PATJ: variants seen among roughly 807,000 people sequenced by gnomAD.
PATJ encodes PATJ crumbs cell polarity complex component.
Under a neutral mutation model 224.9 loss-of-function variants are expected in PATJ, and 190 were observed. The observed-to-expected ratio is 0.84, with a 90% CI of 0.75 to 0.95. The LOEUF (loss-of-function observed/expected upper bound fraction) is 0.95. PATJ is among the 40% of genes least tolerant of loss of function. The pLI is 0.00. For missense variants in PATJ, 2,121 were observed against 2,270.3 expected (o/e 0.93, Z 1.34); for synonymous variants, 769 against 820.3 (o/e 0.94, Z 1.07).
chr1:61,989,343 G>A (rs1408301492), intron 27 of PATJ, among the ~76,000 whole-genome samples: 1 of 152,192 alleles, frequency 6.6e-6, no homozygotes, highest in Non-Finnish European at 1.5e-5. Flanking sequence ...GAACCTCATA[G>A]AGATAAACCA....
chr1:61,827,145 T>C (rs747287669), intron 15 of PATJ, among the ~76,000 whole-genome samples: 24 of 152,084 alleles, frequency 1.6e-4, no homozygotes, highest in Non-Finnish European at 3.2e-4. Context: ...ATTTGGTAGA[T>C]CCCTTACCCA....
In PATJ at chr1:62,114,071, A is replaced by C; in HGVS notation, c.4480A>C (p.Arg1494=). The change falls in exon 35 of 44, where the codon AGG becomes CGG. Residue 1494 remains arginine, a synonymous_variant. Coordinates refer to ENST00000642238, the MANE Select transcript of PATJ (RefSeq NM_001350145.3). ...GTTCCAGGTTAATGGGGTTGACCTG[A>C]GGAACTCCAGCCACGAAGAAGCCAT... ...QILEVNGVDL[R]NSSHEEAITA... is the part of the protein sequence containing the mutation. The C allele has an allele frequency of 3.1e-6, 5 of 1,614,084 alleles. No homozygotes were observed. Among genetic ancestry groups the C allele is most frequent in the Non-Finnish European group, 4.2e-6 (5 of 1,179,948 alleles).
intron 39 of PATJ, among the ~76,000 whole-genome samples, chr1:62,127,661 G>A (rs890608867): frequency 6.6e-6 from 1 of 152,090 alleles, no homozygotes; most frequent in Non-Finnish European, 1.5e-5. Context: ...CAAAAAATTA[G>A]CCAAGTGTGG....
At chr1:62,050,920 A>G (rs1653487193) in intron 30 of PATJ, 46 bp from the exon 31 acceptor site, 1 of 1,378,396 alleles carries the variant, frequency 7.3e-7, no homozygotes, top group Admixed American at 1.7e-5. Flanking sequence ...GAGGGAGTGT[A>G]AGTGAAGAAT....
At chr1:61,931,498 T>G (rs982415198) in intron 27 of PATJ, among the ~76,000 whole-genome samples, 4 of 152,342 alleles carry the variant, frequency 2.6e-5, no homozygotes, top group Non-Finnish European at 4.4e-5. Flanking sequence ...GTGCAGTGGC[T>G]CACGCCTGTG....
intron 27 of PATJ, among the ~76,000 whole-genome samples, chr1:61,930,955 G>A (rs940419577): frequency 6.6e-6 from 1 of 152,106 alleles, no homozygotes; most frequent in Non-Finnish European, 1.5e-5. Context: ...CGCCCGCCTC[G>A]ACCTCCCAAA....
intron 15 of PATJ, among the ~76,000 whole-genome samples, chr1:61,824,897 C>G (rs1229262993): frequency 6.6e-6 from 1 of 152,108 alleles, no homozygotes; most frequent in African/African-American, 2.4e-5. Flanking sequence ...CATGGGCCTA[C>G]CACCTTGTAA....
At chr1:62,074,645 G>T (rs1339997171) in intron 31 of PATJ, among the ~76,000 whole-genome samples, 3 of 152,122 alleles carry the variant, frequency 2.0e-5, no homozygotes, top group Non-Finnish European at 2.9e-5. Context: ...GAATGTGTTT[G>T]CAAATACATT....
intron 31 of PATJ, among the ~76,000 whole-genome samples, chr1:62,071,152 T>C (rs1388873371): frequency 6.6e-6 from 1 of 152,142 alleles, no homozygotes; most frequent in Admixed American, 6.5e-5. Context: ...CTCTAAAAAT[T>C]GCCTCCAGCA....
chr1:62,114,425 A>G (rs1262120240), intron 35 of PATJ, 179 bp downstream of exon 35: 1 of 599,364 alleles, frequency 1.7e-6, no homozygotes, highest in South Asian at 2.2e-5. Flanking sequence ...AAAAATTGTC[A>G]TATCAAGATA....
chr1:61,925,967 C>A (rs1028455155), intron 26 of PATJ, among the ~76,000 whole-genome samples: 1 of 152,168 alleles, frequency 6.6e-6, no homozygotes, highest in Non-Finnish European at 1.5e-5. Flanking sequence ...CTCTACCAGA[C>A]AAAATTAATA....
At chr1:61,760,975 A>C (rs995371170) in intron 1 of PATJ, among the ~76,000 whole-genome samples, 4 of 149,784 alleles carry the variant, frequency 2.7e-5, no homozygotes, top group Non-Finnish European at 4.4e-5. Context: ...ACAGCTTGGG[A>C]ATTTTTCTTT....
intron 27 of PATJ, among the ~76,000 whole-genome samples, chr1:61,978,961 A>G (rs554537793): frequency 2.0e-5 from 3 of 152,212 alleles, no homozygotes; most frequent in African/African-American, 7.2e-5. Flanking sequence ...ATACTGTGAC[A>G]ATGGAGAAAT....
At chr1:61,777,724 T>TTTTTTTTTTTTTTTTTTTTTTTTTTTTC (rs765662896) in intron 7 of PATJ, among the ~76,000 whole-genome samples, 39 of 106,034 alleles carry the variant, frequency 3.7e-4, no homozygotes, top group African/African-American at 1.4e-3. Flanking sequence ...TTTTTTTTTT[T>TTTTTTTTTTTTTTTTTTTTTTTTTTTTC]TTTAGCATAG....
rs113233863 is a variant in PATJ, at chr1:61,745,923, A to G, written c.-36+3368A>G. ...CTGGCAATTATTTTTTTTTTTAAAAATTTTTATTCATTTATTTTATTTATT... is the reference window on the plus strand; with the variant it reads ...CTGGCAATTATTTTTTTTTTTAAAAGTTTTTATTCATTTATTTTATTTATT... On this transcript the variant is annotated intron_variant, in intron 1 of 43. Coordinates refer to ENST00000642238, the MANE Select transcript of PATJ (RefSeq NM_001350145.3). Among the ~76,000 whole-genome samples the G allele has an allele frequency of 3.0e-3, 458 of 150,392 alleles. 3 individuals carry two copies. The highest frequency in any genetic ancestry group is 0.011 in the African/African-American group (439 of 40,930).
chr1:61,822,975 G>A lies in PATJ; in HGVS notation c.1714G>A (p.Val572Met). 2 of 1,614,122 alleles carry A rather than the reference G, an allele frequency of 1.2e-6. No homozygotes were observed. Among genetic ancestry groups the A allele is most frequent in the Non-Finnish European group, 1.7e-6 (2 of 1,180,002 alleles). Residue 572 changes from valine (V) to methionine (M), a missense_variant, in exon 15 of 44, where the codon GTG (valine) becomes ATG (methionine). Coordinates refer to ENST00000642238, the MANE Select transcript of PATJ (RefSeq NM_001350145.3). Reference sequence around the variant, plus strand: ...GCCTATTCACACTCTGAGGCTTGGTGTGGAAGTGGATTCCTTTGATGGGCA... The same window carrying A: ...GCCTATTCACACTCTGAGGCTTGGTATGGAAGTGGATTCCTTTGATGGGCA... ...LLPIHTLRLG[V>M]EVDSFDGHHY...
chr1:61,916,902 AG>A (rs1324496338), intron 26 of PATJ, among the ~76,000 whole-genome samples: 1 of 152,034 alleles, frequency 6.6e-6, no homozygotes, highest in Non-Finnish European at 1.5e-5. Context: ...TCCTTGGGGG[AG>A]GTGAGGCAGA....
chr1:62,005,417 G>GT (rs533186698), intron 28 of PATJ, among the ~76,000 whole-genome samples: 36,717 of 116,098 alleles, frequency 0.32, 5,631 homozygotes, highest in South Asian at 0.46. Flanking sequence ...ATATGATGTG[G>GT]TTTTTTTTTT....
chr1:61,827,597 A>G lies in PATJ; in HGVS notation c.1980+14A>G, dbSNP rs201088994. The G allele has an allele frequency of 2.9e-5, 47 of 1,610,762 alleles. No individual in the cohort carries two copies. In the East Asian group the frequency reaches 8.7e-4, roughly 30 times the overall value. On this transcript the variant is annotated intron_variant, in intron 16 of 43. Coordinates refer to ENST00000642238, the MANE Select transcript of PATJ (RefSeq NM_001350145.3). The stretch of plus-strand genomic sequence containing the variant: ...CCTGAGACAGAGGTACTAAATGAAT[A>G]TAGTGCATTTCCCATAGGCATGCCC...
Sources: gnomAD v4.1 joint callset for allele counts (sites outside exome capture counted in the v4.1 genomes callset) on GRCh38, gnomAD v4.1.1 for gene constraint, MANE v1.5 for transcripts, NCBI Gene and HGNC (gene_info 2026-07-23, HGNC 2026-07-21) for gene names.